The following CTNNA3 variants were observed in gnomAD, a reference collection of about 807,000 sequenced individuals.
CTNNA3 encodes the protein catenin alpha 3.
CTNNA3 carries 76 observed loss-of-function variants against 95.7 expected under a neutral mutation model. That is an observed-to-expected ratio of 0.79 (90% CI 0.66 to 0.96). The LOEUF (loss-of-function observed/expected upper bound fraction) is 0.96, where lower values mean the gene tolerates loss of function less well. Ranked by LOEUF, CTNNA3 falls within the 40% of genes least tolerant of loss-of-function variation. The probability of loss-of-function intolerance (pLI) is 0.00; values close to 1 mark genes in which losing one functional copy is unlikely to be tolerated. For missense variants in CTNNA3, 1,191 were observed against 1,089.8 expected (o/e 1.09, Z -1.31); for synonymous variants, 431 against 374.4 (o/e 1.15, Z -1.74).
At chr10:66,921,182 GAGA>G (rs2132600569) in intron 7 of CTNNA3, among the ~76,000 whole-genome samples, 1 of 152,278 alleles carries the variant, frequency 6.6e-6, no homozygotes, top group African/African-American at 2.4e-5. Flanking sequence ...AGCAGAGAGA[GAGA>G]AGAAGCAAGC....
At chr10:66,082,573 T>C (rs2080806573) in intron 14 of CTNNA3, among the ~76,000 whole-genome samples, 1 of 152,024 alleles carries the variant, frequency 6.6e-6, no homozygotes, top group South Asian at 2.1e-4. Flanking sequence ...AAATCTGTGG[T>C]TTAATTAGTA....
In CTNNA3 at chr10:66,160,905, T is replaced by C. The variant is rs182591507; in HGVS notation, c.1885-57656A>G. On this transcript the variant is annotated intron_variant, in intron 13 of 17. Transcript: ENST00000433211. The stretch of plus-strand genomic sequence containing the variant: ...GTTTAGGATTGTGATATTTTTCTGT[T>C]GGACAAGGCCTTTTACCATTATATA... Among the ~76,000 whole-genome samples, 159 of 152,288 alleles carry C rather than the reference T, an allele frequency of 1.0e-3. 2 individuals carry two copies. The East Asian group carries it at 0.03, about 28-fold the overall frequency.
intron 3 of CTNNA3, among the ~76,000 whole-genome samples, chr10:67,606,071 T>C (rs1254903846): frequency 6.6e-6 from 1 of 152,248 alleles, no homozygotes; most frequent in Non-Finnish European, 1.5e-5. Context: ...CTTCCTGATT[T>C]TCTTAAAGTT....
rs1466406640 is a variant in CTNNA3, at chr10:66,289,359, G to C, written c.1733-8738C>G. ...ATCCCAGCACTTTGGAAACAAACAA[G>C]AAAGATTTTTAAAGAATAAATTTAT... On this transcript the variant is annotated intron_variant, in intron 12 of 17. Coordinates refer to ENST00000433211, the MANE Select transcript of CTNNA3 (RefSeq NM_013266.4). 6.1e-5 allele frequency among the ~76,000 whole-genome samples: 4 copies of C among 65,390 alleles called. No homozygotes were observed. The East Asian group carries it at 1.9e-3, about 31-fold the overall frequency. 42.9% of individuals were successfully genotyped at this position (65,390 alleles called of 152,430 possible).
chr10:67,253,934 G>A (rs1379882118), intron 5 of CTNNA3, among the ~76,000 whole-genome samples: 1 of 152,074 alleles, frequency 6.6e-6, no homozygotes, highest in Non-Finnish European at 1.5e-5. Context: ...AATGAACTAC[G>A]AAAAATATGT....
intron 7 of CTNNA3, among the ~76,000 whole-genome samples, chr10:66,850,427 TTTC>T: frequency 1.3e-5 from 2 of 152,318 alleles, no homozygotes; most frequent in Middle Eastern, 6.8e-3. Flanking sequence ...TTGGAGAGTT[TTTC>T]TTTTTTAAAA....
intron 7 of CTNNA3, among the ~76,000 whole-genome samples, chr10:66,925,613 T>C (rs1847024213): frequency 6.6e-6 from 1 of 152,210 alleles, no homozygotes; most frequent in Admixed American, 6.5e-5. Context: ...ATATAATCAC[T>C]GTGACTCCAA....
chr10:66,672,578 A>G (rs771573976), intron 9 of CTNNA3, among the ~76,000 whole-genome samples: 4 of 152,152 alleles, frequency 2.6e-5, no homozygotes, highest in African/African-American at 4.8e-5. Context: ...AGTTTTATTA[A>G]AACAGACACT....
chr10:66,889,763 A>G (rs1845190307), intron 7 of CTNNA3, among the ~76,000 whole-genome samples: 1 of 150,246 alleles, frequency 6.7e-6, no homozygotes, highest in South Asian at 2.1e-4. Context: ...GCTGAGAGAG[A>G]TGGGGAAGAT....
intron 5 of CTNNA3, among the ~76,000 whole-genome samples, chr10:67,342,569 G>C (rs946133036): frequency 6.6e-6 from 1 of 152,158 alleles, no homozygotes; most frequent in Non-Finnish European, 1.5e-5. Flanking sequence ...TTCATAGTTT[G>C]AGATCTTAGA....
intron 10 of CTNNA3, among the ~76,000 whole-genome samples, chr10:66,543,370 G>C (rs1044311000): frequency 6.6e-6 from 1 of 152,056 alleles, no homozygotes; most frequent in African/African-American, 2.4e-5. Flanking sequence ...GATTACAGGC[G>C]TGAGCTACTG....
chr10:66,357,034 A>G (rs549220180), intron 12 of CTNNA3, among the ~76,000 whole-genome samples: 7 of 152,150 alleles, frequency 4.6e-5, no homozygotes, highest in Non-Finnish European at 7.4e-5. Context: ...TTTTGCATCT[A>G]CGTTCATGAG....
At chr10:67,273,311 G>A (rs1839059972) in intron 5 of CTNNA3, among the ~76,000 whole-genome samples, 1 of 152,090 alleles carries the variant, frequency 6.6e-6, no homozygotes, top group Non-Finnish European at 1.5e-5. Context: ...GGAAAACTAT[G>A]TTAACAGACA....
rs573797016 is a variant in CTNNA3, at chr10:67,508,075, G to A, written c.579+13767C>T. Among the ~76,000 whole-genome samples the A allele has an allele frequency of 5.9e-5, 9 of 152,080 alleles. No individual in the cohort carries two copies. In the South Asian group the frequency reaches 1.5e-3, roughly 25 times the overall value. ...ATCACCCAGGCTGGAGTACAGTGGC[G>A]CAATTGTAGCTCATTACAACCTCCA... is the stretch of plus-strand genomic sequence containing the variant. On this transcript the variant is annotated intron_variant, in intron 5 of 17. Transcript: ENST00000433211.
intron 5 of CTNNA3, among the ~76,000 whole-genome samples, chr10:67,443,840 CTT>C (rs1846633397): frequency 6.6e-6 from 1 of 151,972 alleles, no homozygotes; most frequent in Non-Finnish European, 1.5e-5. Context: ...GTTGCCATTG[CTT>C]TTGGTGTTTC....
At chr10:67,405,560 C>G (rs1453700851) in intron 5 of CTNNA3, among the ~76,000 whole-genome samples, 7 of 152,156 alleles carry the variant, frequency 4.6e-5, no homozygotes. Context: ...TTCTTAGAGA[C>G]CTTCAAAGAG....
chr10:67,094,254 A>G (rs4322291), intron 7 of CTNNA3, among the ~76,000 whole-genome samples: 86,063 of 151,654 alleles, frequency 0.57, 26,185 homozygotes, highest in African/African-American at 0.8. Flanking sequence ...ATTACATTTA[A>G]GAATCATTGG....
intron 12 of CTNNA3, among the ~76,000 whole-genome samples, chr10:66,331,338 G>GCTTGCTTTTTTTT (rs1417713676): frequency 0.018 from 684 of 39,060 alleles, 122 homozygotes; most frequent in African/African-American, 0.032. Context: ...TTTCCCCATT[G>GCTTGCTTTTTTTT]TTTGTTTTTT....
At chr10:66,854,327 T>C (rs1843608505) in intron 7 of CTNNA3, among the ~76,000 whole-genome samples, 1 of 152,056 alleles carries the variant, frequency 6.6e-6, no homozygotes, top group Non-Finnish European at 1.5e-5. Flanking sequence ...CTTCATTCAC[T>C]GCATACTATT....
Sources: gnomAD v4.1 joint callset for allele counts (sites outside exome capture counted in the v4.1 genomes callset) on GRCh38, gnomAD v4.1.1 for gene constraint, MANE v1.5 for transcripts, NCBI Gene and HGNC (gene_info 2026-07-23, HGNC 2026-07-21) for gene names.